DNAH17: variants seen among roughly 807,000 people sequenced by gnomAD.
DNAH17 encodes axonemal beta dynein heavy chain 17.
DNAH17 carries 376 observed loss-of-function variants against 485.6 expected under a neutral mutation model. That is an observed-to-expected ratio of 0.77 (90% CI 0.71 to 0.84). The LOEUF (loss-of-function observed/expected upper bound fraction) is 0.84, where lower values mean the gene tolerates loss of function less well. Among genes scored for constraint, DNAH17 ranks in the 40% least tolerant of loss-of-function variants. The probability of loss-of-function intolerance (pLI) is 0.00; values close to 1 mark genes in which losing one functional copy is unlikely to be tolerated. For missense variants in DNAH17, 6,370 were observed against 5,839.3 expected (o/e 1.09, Z -2.96); for synonymous variants, 3,031 against 2,405.9 (o/e 1.26, Z -7.60).
chr17:78,514,996 C>T lies in DNAH17; in HGVS notation c.3891G>A (p.Lys1297=), dbSNP rs755721710. The T allele has an allele frequency of 3.1e-6, 5 of 1,614,022 alleles. No individual in the cohort carries two copies. Among genetic ancestry groups the T allele is most frequent in the East Asian group, 2.2e-5 (1 of 44,878 alleles). ...CGTTGATATCTTTCCACTTGGTGGT[C>T]TTCCAGTCCTCGATGCTGGTATTTA... ...VVVNTSIEDW[K]TTKWKDINVE... Residue 1297 remains lysine, a synonymous_variant, in exon 26 of 81, where the codon AAG becomes AAA. Coordinates refer to ENST00000389840, the MANE Select transcript of DNAH17 (RefSeq NM_173628.4).
At chr17:78,576,926 T>C (rs1598759732) in intron 1 of DNAH17, among the ~76,000 whole-genome samples, 3 of 152,176 alleles carry the variant, frequency 2.0e-5, no homozygotes, top group Non-Finnish European at 4.4e-5. Context: ...ACAATAGGGT[T>C]GTCCCAGGCC....
chr17:78,488,340 G>A (rs1372415307), intron 44 of DNAH17, among the ~76,000 whole-genome samples: 1 of 152,144 alleles, frequency 6.6e-6, no homozygotes, highest in East Asian at 1.9e-4. Flanking sequence ...TGCTGTCTGG[G>A]GACCCTGTGT....
chr17:78,524,952 G>A (rs965973606), intron 25 of DNAH17, 57 bp downstream of exon 25: 14 of 1,546,308 alleles, frequency 9.1e-6, no homozygotes, highest in Non-Finnish European at 1.2e-5. Flanking sequence ...TCTTGTTGCC[G>A]GGGGCAGCTC....
chr17:78,453,309 C>T (rs765757537), intron 65 of DNAH17, 34 bp downstream of exon 65: 8 of 1,607,894 alleles, frequency 5.0e-6, no homozygotes, highest in Non-Finnish European at 6.8e-6. Flanking sequence ...AAGATGTTTA[C>T]CTGGCTCAAG....
intron 64 of DNAH17, among the ~76,000 whole-genome samples, chr17:78,453,882 TTTTGTTG>T (rs988100674): frequency 6.6e-6 from 1 of 151,840 alleles, no homozygotes; most frequent in Non-Finnish European, 1.5e-5. Flanking sequence ...GTTTTTTGTT[TTTTGTTG>T]GAGAGACAAG....
chr17:78,531,807 T>C (rs2091247557), intron 20 of DNAH17, among the ~76,000 whole-genome samples: 1 of 152,208 alleles, frequency 6.6e-6, no homozygotes, highest in African/African-American at 2.4e-5. Flanking sequence ...ATTCAGACAA[T>C]CTATATCTTT....
Position 78,426,949 on chromosome 17 carries a change from T to C in DNAH17, c.12748A>G (p.Lys4250Glu). 6.2e-7 allele frequency: 1 copy of C among 1,608,580 alleles called. No homozygotes were observed. The highest frequency in any genetic ancestry group is 2.2e-5 in the East Asian group (1 of 44,730). ...ACCTTCAGCCCCAGGTTCAGCTCCT[T>C]GAGCGAACGGCGCATTTCGTTGGTC... The part of the protein sequence containing the change: ...ILTNEMRRSL[K>E]ELNLGLKGEL... Residue 4250 changes from lysine to glutamate, a missense_variant, in exon 78 of 81, where the codon AAG (lysine) becomes GAG (glutamate). Lys to Glu is a moderately conservative substitution (Grantham distance 56). Transcript: ENST00000389840.
At chr17:78,453,524 C>T in intron 64 of DNAH17, 59 bp from the exon 65 acceptor site, 1 of 1,598,484 alleles carries the variant, frequency 6.3e-7, no homozygotes. Context: ...GAACGGTGCG[C>T]ACGCTCCGAC....
intron 16 of DNAH17, among the ~76,000 whole-genome samples, chr17:78,548,162 C>A (rs2091815078): frequency 7.0e-6 from 1 of 142,376 alleles, no homozygotes; most frequent in African/African-American, 2.7e-5. Context: ...TCATTCTGTT[C>A]TTAGTTCTCA....
At position 78,574,891 on chromosome 17, in the gene DNAH17, A is replaced by T; in HGVS notation, c.167T>A (p.Leu56His). The T allele has an allele frequency of 1.2e-6, 2 of 1,613,964 alleles. No individual in the cohort carries two copies. The highest frequency in any genetic ancestry group is 2.2e-5 in the South Asian group (2 of 91,076). Residue 56 changes from leucine to histidine, a missense_variant, in exon 2 of 81, where the codon CTC becomes CAC. Coordinates refer to ENST00000389840, the MANE Select transcript of DNAH17 (RefSeq NM_173628.4). ...KPDVQVLVLT[L>H]NAAGMIIPCL... ...GGGTATGATCATGCCGGCTGCATTG[A>T]GCGTCAGCACCAGCACCTGGACGTC...
At position 78,494,069 on chromosome 17, in the gene DNAH17, G is replaced by A. The variant is rs377382033; in HGVS notation, c.6375C>T (p.Phe2125=). The A allele has an allele frequency of 4.9e-5, 79 of 1,612,834 alleles. No homozygotes were observed. The highest frequency in any genetic ancestry group is 5.4e-5 in the Non-Finnish European group (64 of 1,179,776). Residue 2125 remains phenylalanine, a synonymous_variant, in exon 41 of 81, where the codon TTC becomes TTT. Coordinates refer to ENST00000389840, the MANE Select transcript of DNAH17 (RefSeq NM_173628.4). The stretch of plus-strand genomic sequence containing the variant: ...TGCCGCTGCCCGCATTCCCGACGAT[G>A]AACACGGAGTGGCGGACCTGCAGCA... ...EELLQVRHSV[F]IVGNAGSGKS...
chr17:78,573,947 A>T (rs1311769025), intron 2 of DNAH17, among the ~76,000 whole-genome samples: 1 of 152,114 alleles, frequency 6.6e-6, no homozygotes, highest in Admixed American at 6.5e-5. Context: ...CCCCACCTAC[A>T]CAGCACCTGC....
chr17:78,556,368 T>C (rs951846375), intron 14 of DNAH17, among the ~76,000 whole-genome samples: 7 of 152,106 alleles, frequency 4.6e-5, no homozygotes, highest in African/African-American at 1.7e-4. Flanking sequence ...CCCTTGAGCC[T>C]CCAGAAGGAG....
At chr17:78,464,223 C>G (rs909819813) in intron 56 of DNAH17, among the ~76,000 whole-genome samples, 1 of 152,166 alleles carries the variant, frequency 6.6e-6, no homozygotes, top group Non-Finnish European at 1.5e-5. Context: ...TCCAGGCAAG[C>G]ATTGAGCTCA....
rs768391967 is a variant in DNAH17, at chr17:78,510,523, C to CA, written c.4114-18dup. The CA allele has an allele frequency of 1.2e-6, 2 of 1,613,408 alleles. No individual in the cohort carries two copies. The highest frequency in any genetic ancestry group is 1.1e-5 in the South Asian group (1 of 91,066). The stretch of plus-strand genomic sequence containing the variant: ...AAATTTCACCTAAGGGAAAAAAATC[C>CA]AGGCAGGATTCATTTCAGGTCATGT... On this transcript the variant is annotated splice_polypyrimidine_tract_variant and intron_variant, in intron 26 of 80. Coordinates refer to ENST00000389840, the MANE Select transcript of DNAH17 (RefSeq NM_173628.4).
At chr17:78,456,955 G>A (rs2087830920) in intron 62 of DNAH17, among the ~76,000 whole-genome samples, 1 of 152,202 alleles carries the variant, frequency 6.6e-6, no homozygotes, top group African/African-American at 2.4e-5. Flanking sequence ...TGAGGCTCCG[G>A]GTGCTCCCCT....
At chr17:78,463,735 C>T (rs2088270433) in intron 56 of DNAH17, among the ~76,000 whole-genome samples, 1 of 152,252 alleles carries the variant, frequency 6.6e-6, no homozygotes, top group Non-Finnish European at 1.5e-5. Flanking sequence ...ACTTCTTTCC[C>T]CAGCCCTCTG....
At chr17:78,441,766 T>C (rs1029322385) in intron 71 of DNAH17, among the ~76,000 whole-genome samples, 3 of 152,060 alleles carry the variant, frequency 2.0e-5, no homozygotes, top group Non-Finnish European at 4.4e-5. Flanking sequence ...TACTGTAATG[T>C]ATAAAGAATG....
intron 43 of DNAH17, 83 bp from the exon 44 acceptor site, chr17:78,490,930 C>T (rs769905014): frequency 3.5e-6 from 5 of 1,444,064 alleles, no homozygotes; most frequent in Non-Finnish European, 4.6e-6. Context: ...TTACTCGGAG[C>T]AAACCTCCGA....
Sources: allele counts gnomAD v4.1 joint callset (sites outside exome capture counted in the v4.1 genomes callset), GRCh38; gene constraint gnomAD v4.1.1; transcripts MANE v1.5; gene names NCBI Gene and HGNC (gene_info 2026-07-23, HGNC 2026-07-21).